The following ADAM17 variants were observed in gnomAD, a reference collection of about 807,000 sequenced individuals.
The protein encoded by ADAM17 is ADAM metallopeptidase domain 17.
In ADAM17, 39 loss-of-function variants were observed where a neutral mutation model predicts 96.7. That is an observed-to-expected ratio of 0.40 (90% CI 0.31 to 0.53). The LOEUF (loss-of-function observed/expected upper bound fraction) is 0.53, where lower values mean the gene tolerates loss of function less well. Among genes scored for constraint, ADAM17 ranks in the 20% least tolerant of loss-of-function variants. The probability of loss-of-function intolerance (pLI) is 0.44; values close to 1 mark genes in which losing one functional copy is unlikely to be tolerated. For missense variants in ADAM17, 777 were observed against 1,013.2 expected, an observed-to-expected ratio of 0.77 and a Z score of 3.17; for synonymous variants, 344 against 359.2, an observed-to-expected ratio of 0.96 and a Z score of 0.48.
Position 9,543,298 on chromosome 2 carries a change from T to TA in ADAM17, c.98-14dup. On this transcript the variant is annotated splice_polypyrimidine_tract_variant and intron_variant, in intron 1 of 18. Coordinates refer to ENST00000310823, the MANE Select transcript of ADAM17 (RefSeq NM_003183.6). The stretch of plus-strand genomic sequence containing the variant: ...GAATCAAGCTTCTCTGAAATAAAGG[T>TA]AAAAAAGGTATTAGCATCTAAACCT... 6.4e-7 allele frequency: 1 copy of TA among 1,574,164 alleles called. No individual in the cohort carries two copies. The highest frequency in any genetic ancestry group is 8.6e-7 in the Non-Finnish European group (1 of 1,164,664).
At chr2:9,537,456 G>A (rs1214279056) in intron 2 of ADAM17, among the ~76,000 whole-genome samples, 1 of 152,142 alleles carries the variant, frequency 6.6e-6, no homozygotes, top group African/African-American at 2.4e-5. Context: ...TCATGCGGCC[G>A]TGCGTAGTGG....
At chr2:9,541,563 TCAAAAAA>T (rs935517737) in intron 2 of ADAM17, among the ~76,000 whole-genome samples, 4 of 151,716 alleles carry the variant, frequency 2.6e-5, no homozygotes, top group Admixed American at 6.6e-5. Flanking sequence ...AAACTCTGTC[TCAAAAAA>T]CAAAAAACAA....
At chr2:9,549,884 G>C (rs999743648) in intron 1 of ADAM17, among the ~76,000 whole-genome samples, 6 of 151,976 alleles carry the variant, frequency 3.9e-5, no homozygotes, top group African/African-American at 1.5e-4. Flanking sequence ...AATACTACTT[G>C]AGAGTGTACT....
At chr2:9,491,540 C>T (rs1316994353) in intron 17 of ADAM17, among the ~76,000 whole-genome samples, 1 of 152,208 alleles carries the variant, frequency 6.6e-6, no homozygotes, top group Non-Finnish European at 1.5e-5. Flanking sequence ...GTAGGAAGAC[C>T]CAGGTGGCTG....
At chr2:9,494,896 AATACT>A in intron 14 of ADAM17, 129 bp from the exon 15 acceptor site, 1 of 1,146,866 alleles carries the variant, frequency 8.7e-7, no homozygotes, top group Non-Finnish European at 1.2e-6. Flanking sequence ...TTAAATAGCT[AATACT>A]ATCCATAGCC....
intron 4 of ADAM17, among the ~76,000 whole-genome samples, chr2:9,535,310 A>G (rs1396263299): frequency 6.6e-6 from 1 of 152,218 alleles, no homozygotes; most frequent in Non-Finnish European, 1.5e-5. Flanking sequence ...TTGTAGACTA[A>G]TATCTGACAG....
At chr2:9,538,345 C>G (rs1280589759) in intron 2 of ADAM17, among the ~76,000 whole-genome samples, 1 of 152,162 alleles carries the variant, frequency 6.6e-6, no homozygotes, top group African/African-American at 2.4e-5. Context: ...CTGGGACTAT[C>G]TCCATGGCAA....
At position 9,555,743 on chromosome 2, in the gene ADAM17, C is replaced by T. The variant is rs1294381289; in HGVS notation, c.-138G>A. 26 of 674,816 alleles carry T rather than the reference C, an allele frequency of 3.9e-5. No homozygotes were observed. The highest frequency in any genetic ancestry group is 5.4e-5 in the Non-Finnish European group (24 of 441,962). The allele number at this position is 674,816 out of a possible 1,614,324, so 41.8% of individuals were successfully genotyped here. ...CCTCTTTTCCCTCCCGCGCCGCCTA[C>T]TGGGAAGATTCTACCGCCAGGCTCG... On this transcript the variant is annotated 5_prime_UTR_variant, in exon 1 of 19. Coordinates refer to ENST00000310823, the MANE Select transcript of ADAM17 (RefSeq NM_003183.6).
rs1460805470 is a variant in ADAM17, at chr2:9,489,479, C to CT, written c.*697dup. On this transcript the variant is annotated 3_prime_UTR_variant, in exon 19 of 19. Transcript: ENST00000310823. ...AAAAACTGCCCAGCAAATCAGGGCC[C>CT]TAAACAGTTGGTAGATTCCATAAAT... 6.6e-6 allele frequency: 1 copy of CT among 151,768 alleles called. No individual in the cohort carries two copies. The highest frequency in any genetic ancestry group is 1.5e-5 in the Non-Finnish European group (1 of 67,930). 9.4% of individuals were successfully genotyped at this position (151,768 alleles called of 1,614,324 possible). A position where few individuals can be genotyped will look rare whatever the true frequency, so the allele number is the denominator to read the frequency against.
At chr2:9,513,280 C>A (rs1052831123) in intron 10 of ADAM17, among the ~76,000 whole-genome samples, 1 of 152,234 alleles carries the variant, frequency 6.6e-6, no homozygotes, top group Non-Finnish European at 1.5e-5. Flanking sequence ...AGGCGTGAGC[C>A]ACCGCACCCA....
chr2:9,532,293 CTCATA>C (rs1263160598), intron 4 of ADAM17, among the ~76,000 whole-genome samples: 1 of 151,976 alleles, frequency 6.6e-6, no homozygotes. Context: ...GGTGGTACAT[CTCATA>C]TGTGTGTGTG....
In ADAM17 at chr2:9,494,595, C is replaced by G. The variant is rs761236393; in HGVS notation, c.1914+42G>C. 1.9e-6 allele frequency: 3 copies of G among 1,603,402 alleles called. No individual in the cohort carries two copies. In the Admixed American group the frequency reaches 5.2e-5, roughly 28 times the overall value. On this transcript the variant is annotated intron_variant, in intron 15 of 18. Coordinates refer to ENST00000310823, the MANE Select transcript of ADAM17 (RefSeq NM_003183.6). ...TCAAGTACTTACAAAATAAAAACTTCCTATCTGGCTGTTACAGAAAAAGCT... is the reference window on the plus strand; with the variant it reads ...TCAAGTACTTACAAAATAAAAACTTGCTATCTGGCTGTTACAGAAAAAGCT...
chr2:9,548,997 T>A (rs183649380), intron 1 of ADAM17, among the ~76,000 whole-genome samples: 1 of 152,216 alleles, frequency 6.6e-6, no homozygotes, highest in African/African-American at 2.4e-5. Context: ...CTTTAATGCA[T>A]TGACATAAAG....
intron 1 of ADAM17, among the ~76,000 whole-genome samples, chr2:9,549,717 C>T (rs943297468): frequency 1.3e-5 from 2 of 152,048 alleles, no homozygotes; most frequent in Admixed American, 6.6e-5. Context: ...CAAGGTCTTG[C>T]CATGTTGCCC....
intron 13 of ADAM17, among the ~76,000 whole-genome samples, chr2:9,497,754 T>C (rs2124978395): frequency 6.6e-6 from 1 of 152,322 alleles, no homozygotes; most frequent in African/African-American, 2.4e-5. Context: ...TAGCTGGCTT[T>C]TCTTATGGAT....
chr2:9,555,487 G>C (rs1287027369), intron 1 of ADAM17, 22 bp downstream of exon 1: 1 of 1,555,062 alleles, frequency 6.4e-7, no homozygotes, highest in East Asian at 2.4e-5. Flanking sequence ...GCCGGCCTAA[G>C]CCAACTCCCC....
intron 1 of ADAM17, 152 bp from the exon 2 acceptor site, chr2:9,543,437 C>T: frequency 1.5e-6 from 1 of 685,448 alleles, no homozygotes; most frequent in Non-Finnish European, 2.1e-6. Flanking sequence ...TCAACAGAAA[C>T]TCCACTGCCT....
At chr2:9,522,347 G>T in intron 7 of ADAM17, 1 of 528,816 alleles carries the variant, frequency 1.9e-6, no homozygotes, top group South Asian at 2.8e-5. Context: ...AATGTCTTTG[G>T]GGAAAGGAAC....
chr2:9,490,185 CTG>C lies in ADAM17; in HGVS notation c.2465_2466del (p.Thr822ArgfsTer5), dbSNP rs1222616180. The C allele has an allele frequency of 2.5e-6, 4 of 1,592,776 alleles. No homozygotes were observed. Among genetic ancestry groups the C allele is most frequent in the Non-Finnish European group, 8.6e-7 (1 of 1,162,594 alleles). ...AAGAGCTGAGAACTAAATTAGCACT[CTG>C]TTTCTTTGCTGTCAACACGATTCTG... ...QRQNRVDSKE[T>X]EC On this transcript the variant is annotated frameshift_variant, in exon 19 of 19. Coordinates refer to ENST00000310823, the MANE Select transcript of ADAM17 (RefSeq NM_003183.6). LOFTEE classifies it high-confidence loss of function.
Sources: gnomAD v4.1 joint callset for allele counts (sites outside exome capture counted in the v4.1 genomes callset) on GRCh38, gnomAD v4.1.1 for gene constraint, MANE v1.5 for transcripts, NCBI Gene and HGNC (gene_info 2026-07-23, HGNC 2026-07-21) for gene names.